CRACD: variants seen among roughly 807,000 people sequenced by gnomAD.
CRACD encodes the protein capping protein inhibiting regulator of actin dynamics.
In CRACD, 56 loss-of-function variants were observed where a neutral mutation model predicts 106.8. The observed-to-expected ratio is 0.52, with a 90% CI of 0.42 to 0.66. The LOEUF is 0.66. CRACD is among the 30% of genes least tolerant of loss of function. CRACD has a pLI of 0.00. For missense variants in CRACD, 1,730 were observed against 1,623.2 expected (o/e 1.07, Z -1.13); for synonymous variants, 754 against 670.8 (o/e 1.12, Z -1.92).
intron 6 of CRACD, among the ~76,000 whole-genome samples, chr4:56,312,181 G>A (rs1461073200): frequency 1.3e-5 from 2 of 152,094 alleles, no homozygotes; most frequent in Non-Finnish European, 2.9e-5. Flanking sequence ...GTGTGTGTGT[G>A]ACAGAGTCTT....
intron 4 of CRACD, among the ~76,000 whole-genome samples, chr4:56,306,958 G>A (rs954527925): frequency 4.6e-5 from 7 of 152,166 alleles, no homozygotes; most frequent in South Asian, 2.1e-4. Flanking sequence ...TCTTTGCCTT[G>A]GCAGCGACCC....
chr4:56,073,553 GT>G (rs1004458129), intron 1 of CRACD, among the ~76,000 whole-genome samples: 11 of 121,316 alleles, frequency 9.1e-5, no homozygotes, highest in East Asian at 2.2e-4. Context: ...TGATGGGGTT[GT>G]TTTTTTCTTG....
chr4:56,217,211 A>C (rs1738751875), intron 2 of CRACD, among the ~76,000 whole-genome samples: 1 of 152,120 alleles, frequency 6.6e-6, no homozygotes, highest in African/African-American at 2.4e-5. Context: ...CAACAGACAT[A>C]CTGATTATGT....
chr4:56,319,830 C>A (rs1355251190), intron 8 of CRACD, among the ~76,000 whole-genome samples: 1 of 152,106 alleles, frequency 6.6e-6, no homozygotes, highest in African/African-American at 2.4e-5. Flanking sequence ...GACTCTGAAT[C>A]TACCTGGTGA....
intron 2 of CRACD, among the ~76,000 whole-genome samples, chr4:56,251,967 T>C (rs1741080399): frequency 6.6e-6 from 1 of 152,244 alleles, no homozygotes; most frequent in South Asian, 2.1e-4. Flanking sequence ...AACATATGTA[T>C]GCATAAAGTT....
At chr4:56,108,614 G>A (rs1047010425) in intron 1 of CRACD, among the ~76,000 whole-genome samples, 2 of 151,992 alleles carry the variant, frequency 1.3e-5, no homozygotes, top group Admixed American at 6.6e-5. Context: ...GGCCCCAAAT[G>A]GCTGGGCGCG....
At chr4:56,257,129 T>C (rs1741405465) in intron 2 of CRACD, among the ~76,000 whole-genome samples, 1 of 148,568 alleles carries the variant, frequency 6.7e-6, no homozygotes. Flanking sequence ...TCACCCAGTC[T>C]GGAGTGCAGT....
At chr4:56,127,381 A>G (rs1322357714) in intron 1 of CRACD, among the ~76,000 whole-genome samples, 1 of 152,234 alleles carries the variant, frequency 6.6e-6, no homozygotes, top group East Asian at 1.9e-4. Context: ...TAACTTTATT[A>G]GAAAGAATAG....
At chr4:56,321,816 G>A (rs1332420153) in intron 8 of CRACD, among the ~76,000 whole-genome samples, 1 of 152,172 alleles carries the variant, frequency 6.6e-6, no homozygotes, top group Non-Finnish European at 1.5e-5. Context: ...TAGGGATATT[G>A]CAGTGCCCCA....
intron 3 of CRACD, among the ~76,000 whole-genome samples, chr4:56,277,889 G>C (rs1742770130): frequency 6.6e-6 from 1 of 151,962 alleles, no homozygotes; most frequent in Admixed American, 6.6e-5. Flanking sequence ...GATGACCCTA[G>C]GAAAACAATT....
rs546476627 is a variant in CRACD, at chr4:56,191,737, T to C, written c.-189+12307T>C. On this transcript the variant is annotated intron_variant, in intron 2 of 10. Transcript: ENST00000682029. Reference sequence around the variant, plus strand: ...ACCTGTGTGGAACGCCCAACCACCATGTACGACGTTATTTCTAAGAGAAAG... The same window carrying C: ...ACCTGTGTGGAACGCCCAACCACCACGTACGACGTTATTTCTAAGAGAAAG... Among the ~76,000 whole-genome samples, 6 of 152,344 alleles carry C rather than the reference T, an allele frequency of 3.9e-5. No individual in the cohort carries two copies. The South Asian group carries it at 8.3e-4, about 21-fold the overall frequency.
chr4:56,224,254 A>G (rs1372058161), intron 2 of CRACD, among the ~76,000 whole-genome samples: 1 of 151,808 alleles, frequency 6.6e-6, no homozygotes, highest in Admixed American at 6.6e-5. Context: ...CCATTTGGTC[A>G]CTTGTCTGTC....
At chr4:56,259,977 C>A (rs1238373530) in intron 2 of CRACD, among the ~76,000 whole-genome samples, 1 of 152,074 alleles carries the variant, frequency 6.6e-6, no homozygotes, top group African/African-American at 2.4e-5. Flanking sequence ...GCCCAGATTC[C>A]TCAGAGATGC....
At chr4:56,203,510 G>A (rs1737981608) in intron 2 of CRACD, among the ~76,000 whole-genome samples, 1 of 152,174 alleles carries the variant, frequency 6.6e-6, no homozygotes, top group African/African-American at 2.4e-5. Flanking sequence ...GGTCTGGGCA[G>A]TAGCTTCTTG....
At chr4:56,070,313 T>C (rs539717364) in intron 1 of CRACD, among the ~76,000 whole-genome samples, 4,365 of 151,164 alleles carry the variant, frequency 0.029, 82 homozygotes, top group Admixed American at 0.06. Context: ...TTTTTTTTTT[T>C]TTTTGAGACG....
At chr4:56,279,503 CA>C (rs1388698566) in intron 3 of CRACD, among the ~76,000 whole-genome samples, 2 of 152,134 alleles carry the variant, frequency 1.3e-5, no homozygotes, top group Non-Finnish European at 2.9e-5. Flanking sequence ...AGACACTTCT[CA>C]AAAGAAGACA....
chr4:56,327,794 T>TAATA lies in CRACD; in HGVS notation c.3692_3693insAATA (p.Lys1233TyrfsTer2). 1 of 1,613,778 alleles carries TAATA rather than the reference T, an allele frequency of 6.2e-7. No homozygotes were observed. The highest frequency in any genetic ancestry group is 1.3e-5 in the African/African-American group (1 of 75,052). ...AAGGCTTGGAGCGACTGTCCACAGA[T>TAATA]TATTAAGTAAAGAGTGACTCTCACC... On this transcript the variant is annotated frameshift_variant, in exon 11 of 11. Transcript: ENST00000682029. LOFTEE classifies it high-confidence loss of function.
chr4:56,180,334 A>T (rs1206067443), intron 2 of CRACD, among the ~76,000 whole-genome samples: 1 of 151,730 alleles, frequency 6.6e-6, no homozygotes, highest in African/African-American at 2.4e-5. Context: ...TACTAAAAAC[A>T]CAAAAACAGC....
At position 56,088,418 on chromosome 4, in the gene CRACD, C is replaced by G. The variant is rs541184132; in HGVS notation, c.-336+39119C>G. On this transcript the variant is annotated intron_variant, in intron 1 of 10. Coordinates refer to ENST00000682029, the MANE Select transcript of CRACD (RefSeq NM_001393381.1). ...GTGACGTGATCTCGGCTCCTGCAAT[C>G]TCTGCCTCCCGGGTTCAAGCAATTC... Among the ~76,000 whole-genome samples the G allele has an allele frequency of 3.3e-5, 5 of 152,100 alleles. No individual in the cohort carries two copies. In the East Asian group the frequency reaches 9.7e-4, roughly 30 times the overall value.
Sources: allele counts gnomAD v4.1 joint callset (sites outside exome capture counted in the v4.1 genomes callset), GRCh38; gene constraint gnomAD v4.1.1; transcripts MANE v1.5; gene names NCBI Gene and HGNC (gene_info 2026-07-23, HGNC 2026-07-21).